The following EZH2 variants were observed in gnomAD, a reference collection of about 807,000 sequenced individuals.
The protein encoded by EZH2 is histone-lysine N-methyltransferase EZH2.
EZH2 carries 18 observed loss-of-function variants against 98.4 expected under a neutral mutation model. The ratio of observed to expected loss-of-function variants is 0.18; its 90% CI spans 0.13 to 0.27. EZH2 has a LOEUF of 0.27. Among genes scored for constraint, EZH2 ranks in the 10% least tolerant of loss-of-function variants. EZH2 has a pLI of 1.00. For missense variants in EZH2, 470 were observed against 935.1 expected, an observed-to-expected ratio of 0.50 and a Z score of 6.49; for synonymous variants, 338 against 312.3, an observed-to-expected ratio of 1.08 and a Z score of -0.87.
At chr7:148,812,561 A>T (rs562186054) in intron 15 of EZH2, among the ~76,000 whole-genome samples, 1 of 152,364 alleles carries the variant, frequency 6.6e-6, no homozygotes, top group East Asian at 1.9e-4. Flanking sequence ...TGCTATGCAA[A>T]TGAAACCCAA....
In EZH2 at chr7:148,811,688, G is replaced by C. The variant is rs61732846; in HGVS notation, c.1884C>G (p.Gly628=). Residue 628 remains glycine, a synonymous_variant, in exon 16 of 20, where the codon GGC becomes GGG. Coordinates refer to ENST00000320356, the MANE Select transcript of EZH2 (RefSeq NM_004456.5). The part of the protein sequence containing the change: ...HLLLAPSDVA[G]WGIFIKDPVQ... ...CAGGATCTTTGATAAAAATCCCCCAGCCTGCCACGTCAGATGGTGCCAGCA... is the reference window on the plus strand; with the variant it reads ...CAGGATCTTTGATAAAAATCCCCCACCCTGCCACGTCAGATGGTGCCAGCA... 239 of 1,613,110 alleles carry C rather than the reference G, an allele frequency of 1.5e-4. 1 individual carries two copies. The Middle Eastern group carries it at 3.5e-3, about 23-fold the overall frequency.
chr7:148,879,600 GA>G lies in EZH2; in HGVS notation c.-8+4563del, dbSNP rs535064105. On this transcript the variant is annotated intron_variant, in intron 1 of 19. Coordinates refer to ENST00000320356, the MANE Select transcript of EZH2 (RefSeq NM_004456.5). ...CAACTACTTGAGAGGTGAGGCAGGA[GA>G]ATCATTTGAACCCAGGAGGTGGAGG... Among the ~76,000 whole-genome samples the G allele has an allele frequency of 4.7e-4, 72 of 152,148 alleles. No homozygotes were observed. The Middle Eastern group carries it at 0.01, about 22-fold the overall frequency.
chr7:148,867,084 T>G (rs986257898), intron 1 of EZH2, among the ~76,000 whole-genome samples: 1 of 150,240 alleles, frequency 6.7e-6, no homozygotes, highest in African/African-American at 2.4e-5. Flanking sequence ...CCCAGCACTT[T>G]GGGAAGCCGA....
intron 1 of EZH2, among the ~76,000 whole-genome samples, chr7:148,857,409 T>G (rs751861125): frequency 6.6e-6 from 1 of 152,234 alleles, no homozygotes; most frequent in African/African-American, 2.4e-5. Flanking sequence ...ATACTGATAC[T>G]GATTTCTTAG....
intron 12 of EZH2, among the ~76,000 whole-genome samples, chr7:148,816,364 C>T (rs970457486): frequency 6.6e-5 from 10 of 152,202 alleles, no homozygotes; most frequent in Non-Finnish European, 1.0e-4. Flanking sequence ...AAACACAGAA[C>T]ATTTCATGAT....
intron 1 of EZH2, among the ~76,000 whole-genome samples, chr7:148,883,670 C>T: frequency 6.6e-6 from 1 of 151,372 alleles, no homozygotes; most frequent in Non-Finnish European, 1.5e-5. Context: ...TCCCCTCGCG[C>T]CGAGCCCTCC....
In EZH2 at chr7:148,809,307, T is replaced by A; in HGVS notation, c.2110+3A>T. ...TTCCAATTCTCACGTCAAAGGTACC[T>A]ACCTTTTGCATAGCAGTTTGGATTT... On this transcript the variant is annotated splice_donor_region_variant and intron_variant, in intron 18 of 19. Transcript: ENST00000320356. 6.2e-7 allele frequency: 1 copy of A among 1,600,016 alleles called. No homozygotes were observed. Among genetic ancestry groups the A allele is most frequent in the Non-Finnish European group, 8.6e-7 (1 of 1,167,780 alleles).
At chr7:148,873,680 T>A (rs1819786746) in intron 1 of EZH2, among the ~76,000 whole-genome samples, 1 of 150,688 alleles carries the variant, frequency 6.6e-6, no homozygotes, top group Non-Finnish European at 1.5e-5. Flanking sequence ...CAGCTAACAG[T>A]ACACTGGGTG....
At position 148,840,807 on chromosome 7, in the gene EZH2, T is replaced by C. The variant is rs561642534; in HGVS notation, c.246+5663A>G. On this transcript the variant is annotated intron_variant, in intron 3 of 19. Coordinates refer to ENST00000320356, the MANE Select transcript of EZH2 (RefSeq NM_004456.5). ...TTATAAAGCTAAATTATGGCAAAAG[T>C]CCTCGGTCTAATGCAATTTTCTTGT... Among the ~76,000 whole-genome samples, 3 of 152,308 alleles carry C rather than the reference T, an allele frequency of 2.0e-5. No homozygotes were observed. In the South Asian group the frequency reaches 6.2e-4, roughly 32 times the overall value.
At chr7:148,857,457 T>G in intron 1 of EZH2, among the ~76,000 whole-genome samples, 1 of 152,150 alleles carries the variant, frequency 6.6e-6, no homozygotes, top group Non-Finnish European at 1.5e-5. Context: ...AATCCAAAAG[T>G]ATTCCAAAAT....
At chr7:148,811,105 A>G (rs2072408) in intron 16 of EZH2, among the ~76,000 whole-genome samples, 111,921 of 152,050 alleles carry the variant, frequency 0.74, 42,372 homozygotes, top group African/African-American at 0.92. Context: ...GACGAGAAAA[A>G]CTAAATGTGG....
chr7:148,843,768 T>C (rs565226597), intron 3 of EZH2, among the ~76,000 whole-genome samples: 1 of 151,820 alleles, frequency 6.6e-6, no homozygotes, highest in South Asian at 2.1e-4. Context: ...GCTAATTTTT[T>C]GTATTTTTAG....
At chr7:148,869,338 CTTTTTTT>C (rs143589780) in intron 1 of EZH2, among the ~76,000 whole-genome samples, 3 of 80,326 alleles carry the variant, frequency 3.7e-5, no homozygotes, top group South Asian at 4.9e-4. Context: ...CAGCAATAGC[CTTTTTTT>C]TTTTTTTTTT....
intron 1 of EZH2, among the ~76,000 whole-genome samples, chr7:148,859,852 G>A (rs1817411722): frequency 6.6e-6 from 1 of 152,174 alleles, no homozygotes; most frequent in Non-Finnish European, 1.5e-5. Context: ...ACAGAATTTT[G>A]ATCAGGCATT....
In EZH2 at chr7:148,817,976, T is replaced by G. The variant is rs1298174513; in HGVS notation, c.1141A>C (p.Lys381Gln). 1 of 1,614,158 alleles carries G rather than the reference T, an allele frequency of 6.2e-7. No individual in the cohort carries two copies. The highest frequency in any genetic ancestry group is 8.5e-7 in the Non-Finnish European group (1 of 1,180,034). The change falls in exon 10 of 20, where the codon AAG becomes CAG. Residue 381 changes from lysine (K) to glutamine (Q), a missense_variant. Around this residue, in one of 6 missense-constraint regions of EZH2, gnomAD observed 192 missense variants for 306.8 expected, o/e 0.63. Coordinates refer to ENST00000320356, the MANE Select transcript of EZH2 (RefSeq NM_004456.5). The part of the protein sequence containing the change: ...STPTINVLES[K>Q]DTDSDREAGT... ...GCTTCCCTATCACTGTCTGTATCCT[T>G]TGATTCCAGCACATTAATGGTGGGG...
At chr7:148,867,862 A>G (rs999381275) in intron 1 of EZH2, among the ~76,000 whole-genome samples, 1 of 152,236 alleles carries the variant, frequency 6.6e-6, no homozygotes, top group East Asian at 1.9e-4. Context: ...CTTCCGCCAG[A>G]TACCCTAAAC....
chr7:148,820,551 G>GA (rs778312083), intron 8 of EZH2, among the ~76,000 whole-genome samples: 2,385 of 123,288 alleles, frequency 0.019, 51 homozygotes, highest in African/African-American at 0.054. Context: ...GAAAAGGAAG[G>GA]AAAAAAAAAA....
chr7:148,844,877 G>A (rs567033101), intron 3 of EZH2, among the ~76,000 whole-genome samples: 2 of 152,064 alleles, frequency 1.3e-5, no homozygotes, highest in South Asian at 2.1e-4. Flanking sequence ...TGAGCAAAGT[G>A]TGCTCTTCTG....
intron 8 of EZH2, 138 bp from the exon 9 acceptor site, chr7:148,819,825 C>T (rs972155489): frequency 1.5e-6 from 1 of 683,230 alleles, no homozygotes; most frequent in Non-Finnish European, 2.5e-6. Flanking sequence ...TACAACTTTC[C>T]TTCAGGCTCT....
Sources: allele counts gnomAD v4.1 joint callset (sites outside exome capture counted in the v4.1 genomes callset), GRCh38; gene constraint gnomAD v4.1.1; regional missense constraint gnomAD v4.1.1; transcripts MANE v1.5; gene names NCBI Gene and HGNC (gene_info 2026-07-23, HGNC 2026-07-21).